Variants in GABRG1 observed in about 807,000 individuals in gnomAD.
The protein encoded by GABRG1 is gamma-aminobutyric acid receptor subunit gamma-1.
In GABRG1, 49 loss-of-function variants were observed where a neutral mutation model predicts 49.8. That is an observed-to-expected ratio of 0.98 (90% CI 0.78 to 1.25). GABRG1 has a LOEUF of 1.25. GABRG1 is among the 50% of genes most tolerant of loss of function. The pLI, the probability that GABRG1 is intolerant of heterozygous loss-of-function variation, is 0.00. For missense variants in GABRG1, 552 were observed against 552.3 expected (o/e 1.00, Z 0.01); for synonymous variants, 232 against 185.1 (o/e 1.25, Z -2.06).
chr4:46,121,987 C>A (rs1721100992), intron 1 of GABRG1, among the ~76,000 whole-genome samples: 1 of 151,976 alleles, frequency 6.6e-6, no homozygotes, highest in Non-Finnish European at 1.5e-5. Context: ...TTTCATGTTT[C>A]AGTTGAAATC....
intron 3 of GABRG1, among the ~76,000 whole-genome samples, chr4:46,083,767 G>C (rs1719657443): frequency 6.6e-6 from 1 of 151,340 alleles, no homozygotes; most frequent in Non-Finnish European, 1.5e-5. Flanking sequence ...CCGTTGCATA[G>C]TTCTACCAAA....
chr4:46,114,323 A>T (rs566034669), intron 1 of GABRG1, among the ~76,000 whole-genome samples: 1 of 151,174 alleles, frequency 6.6e-6, no homozygotes, highest in African/African-American at 2.4e-5. Flanking sequence ...AGCACAAAGG[A>T]AACTACAGTG....
intron 5 of GABRG1, among the ~76,000 whole-genome samples, chr4:46,058,914 A>G (rs374793545): frequency 4.6e-5 from 7 of 152,104 alleles, no homozygotes. Flanking sequence ...TCTAGAGGTA[A>G]TAACTATCCT....
At chr4:46,123,101 AACAC>A (rs34086673) in intron 1 of GABRG1, among the ~76,000 whole-genome samples, 30,382 of 129,298 alleles carry the variant, frequency 0.23, 3,134 homozygotes, top group East Asian at 0.31. Flanking sequence ...CATACACACA[AACAC>A]ACACACACAC....
At chr4:46,067,973 A>G (rs1577644772) in intron 3 of GABRG1, among the ~76,000 whole-genome samples, 1 of 151,902 alleles carries the variant, frequency 6.6e-6, no homozygotes, top group African/African-American at 2.4e-5. Flanking sequence ...ATTAATCCCC[A>G]CTCTGCCTGC....
chr4:46,043,888 T>C (rs1717882017), intron 8 of GABRG1, among the ~76,000 whole-genome samples: 1 of 151,956 alleles, frequency 6.6e-6, no homozygotes, highest in African/African-American at 2.4e-5. Flanking sequence ...AATATACTAA[T>C]ATCAAATAAA....
chr4:46,043,244 T>C (rs1200198720), intron 8 of GABRG1, among the ~76,000 whole-genome samples: 2 of 151,948 alleles, frequency 1.3e-5, no homozygotes, highest in South Asian at 2.1e-4. Context: ...AATTTTTTAG[T>C]GCACTAAAAT....
chr4:46,045,313 T>C (rs1332688796), intron 8 of GABRG1, among the ~76,000 whole-genome samples: 1 of 152,068 alleles, frequency 6.6e-6, no homozygotes, highest in Non-Finnish European at 1.5e-5. Context: ...CTAAAAGTGT[T>C]AAAATGAAAT....
chr4:46,080,956 C>A (rs1000438281), intron 3 of GABRG1, among the ~76,000 whole-genome samples: 1 of 151,686 alleles, frequency 6.6e-6, no homozygotes, highest in Non-Finnish European at 1.5e-5. Context: ...ACCTATTACA[C>A]GTGTATATTA....
chr4:46,100,282 C>T (rs973337297), intron 1 of GABRG1, among the ~76,000 whole-genome samples: 1 of 151,144 alleles, frequency 6.6e-6, no homozygotes, highest in Admixed American at 6.6e-5. Flanking sequence ...GAGAACACAT[C>T]GACAAATGGA....
At chr4:46,057,404 A>G (rs1718493287) in intron 7 of GABRG1, among the ~76,000 whole-genome samples, 1 of 152,102 alleles carries the variant, frequency 6.6e-6, no homozygotes, top group Admixed American at 6.6e-5. Context: ...TATTTTTAAG[A>G]CACAATTATG....
intron 1 of GABRG1, among the ~76,000 whole-genome samples, chr4:46,105,888 G>GT (rs1720520847): frequency 6.6e-6 from 1 of 151,436 alleles, no homozygotes; most frequent in East Asian, 2.0e-4. Context: ...TGTATTGATT[G>GT]TTTTTTATCA....
intron 3 of GABRG1, among the ~76,000 whole-genome samples, chr4:46,068,088 C>G (rs1670787928): frequency 6.6e-6 from 1 of 152,076 alleles, no homozygotes; most frequent in East Asian, 1.9e-4. Context: ...ACCATGTAAC[C>G]TACGCTAATG....
At chr4:46,114,942 A>T (rs1720838726) in intron 1 of GABRG1, among the ~76,000 whole-genome samples, 1 of 150,962 alleles carries the variant, frequency 6.6e-6, no homozygotes, top group Non-Finnish European at 1.5e-5. Context: ...GAAGAAAACT[A>T]AAGAGTTTAT....
chr4:46,059,386 T>C (rs1023976538), intron 5 of GABRG1, among the ~76,000 whole-genome samples: 1 of 151,884 alleles, frequency 6.6e-6, no homozygotes, highest in African/African-American at 2.4e-5. Context: ...TATACTAACA[T>C]ATTCTCCTTT....
chr4:46,041,663 A>T (rs909028849), intron 8 of GABRG1, among the ~76,000 whole-genome samples: 2 of 152,056 alleles, frequency 1.3e-5, no homozygotes, highest in South Asian at 4.1e-4. Context: ...AATAGCAAAG[A>T]AGACATTTTG....
At chr4:46,053,956 C>T (rs954485661) in intron 7 of GABRG1, among the ~76,000 whole-genome samples, 1 of 151,936 alleles carries the variant, frequency 6.6e-6, no homozygotes, top group Admixed American at 6.6e-5. Flanking sequence ...CCATGGCTTC[C>T]CCTACTCAAG....
Position 46,112,586 on chromosome 4 carries a change from T to C in GABRG1, c.104+11224A>G, listed in dbSNP as rs77086269. Among the ~76,000 whole-genome samples, 58 of 151,316 alleles carry C rather than the reference T, an allele frequency of 3.8e-4. No homozygotes were observed. The East Asian group carries it at 0.01, about 27-fold the overall frequency. On this transcript the variant is annotated intron_variant, in intron 1 of 8. Coordinates refer to ENST00000295452, the MANE Select transcript of GABRG1 (RefSeq NM_173536.4). ...ACAGCAAAGTGATAGAATCAACTGA[T>C]AGGTGCCCATTAGTGGTGGATTGGA...
rs1297143011 is a variant in GABRG1, at chr4:46,036,740, G to C, written c.*4248C>G. The C allele has an allele frequency of 6.6e-6, 1 of 151,922 alleles. No individual in the cohort carries two copies. Among genetic ancestry groups the C allele is most frequent in the Non-Finnish European group, 1.5e-5 (1 of 67,898 alleles). The allele number at this position is 151,922 out of a possible 1,614,324, so 9.4% of individuals were successfully genotyped here. A position where few individuals can be genotyped will look rare whatever the true frequency, so the allele number is the denominator to read the frequency against. Reference sequence around the variant, plus strand: ...CACTATAAGCTTATACGCCTAACTGGCTTGTTATATTCCAAACCATCACAC... The same window carrying C: ...CACTATAAGCTTATACGCCTAACTGCCTTGTTATATTCCAAACCATCACAC... On this transcript the variant is annotated 3_prime_UTR_variant, in exon 9 of 9. Coordinates refer to ENST00000295452, the MANE Select transcript of GABRG1 (RefSeq NM_173536.4).
Sources: gnomAD v4.1 joint callset for allele counts (sites outside exome capture counted in the v4.1 genomes callset) on GRCh38, gnomAD v4.1.1 for gene constraint, MANE v1.5 for transcripts, NCBI Gene and HGNC (gene_info 2026-07-23, HGNC 2026-07-21) for gene names.